Variants in ADRA1A observed in about 807,000 individuals in gnomAD.
ADRA1A encodes the protein adrenoceptor alpha 1A, also known as alpha-1A adrenergic receptor.
Under a neutral mutation model 29.6 loss-of-function variants are expected in ADRA1A, and 31 were observed. The observed-to-expected ratio is 1.05, with a 90% confidence interval of 0.79 to 1.41. ADRA1A has a LOEUF of 1.41. Among genes scored for constraint, ADRA1A ranks in the 40% most tolerant of loss-of-function variants. The pLI is 0.00. For synonymous variants in ADRA1A, 311 were observed against 254.3 expected, an observed-to-expected ratio of 1.22 and a Z score of -2.12; for missense variants, 619 against 601.1, an observed-to-expected ratio of 1.03 and a Z score of -0.31.
Position 26,855,039 on chromosome 8 carries a change from C to T in ADRA1A, c.883+9048G>A, listed in dbSNP as rs539174009. Among the ~76,000 whole-genome samples the T allele has an allele frequency of 7.9e-5, 12 of 152,256 alleles. No homozygotes were observed. In the East Asian group the frequency reaches 1.5e-3, roughly 20 times the overall value. The stretch of plus-strand genomic sequence containing the variant: ...TACATTGAGCTCAGACTTCCAGCCT[C>T]GAGGATTGTGAGAAATAAATTCCTG... On this transcript the variant is annotated intron_variant, in intron 2 of 2. Coordinates refer to ENST00000380573, the MANE Select transcript of ADRA1A (RefSeq NM_000680.4).
chr8:26,851,876 T>C (rs1812662563), intron 2 of ADRA1A, among the ~76,000 whole-genome samples: 1 of 152,088 alleles, frequency 6.6e-6, no homozygotes, highest in Admixed American at 6.5e-5. Context: ...GTAAGATAAA[T>C]AAAGATTAAT....
intron 2 of ADRA1A, among the ~76,000 whole-genome samples, chr8:26,807,041 T>A (rs995369732): frequency 5.3e-5 from 8 of 152,244 alleles, no homozygotes; most frequent in Non-Finnish European, 1.2e-4. Flanking sequence ...AAAATTCCAG[T>A]AACTCTTGGC....
At chr8:26,845,849 G>A (rs1175436690) in intron 2 of ADRA1A, among the ~76,000 whole-genome samples, 2 of 152,130 alleles carry the variant, frequency 1.3e-5, no homozygotes, top group African/African-American at 4.8e-5. Context: ...TCACATATAT[G>A]ATCCCATTCA....
chr8:26,797,559 A>G (rs903269833), intron 2 of ADRA1A, among the ~76,000 whole-genome samples: 2 of 152,120 alleles, frequency 1.3e-5, no homozygotes, highest in Admixed American at 6.5e-5. Context: ...TTGGCGTCCC[A>G]AAGTGCTGAG....
rs1810354370 is a variant in ADRA1A, at chr8:26,823,859, T to C, written c.883+40228A>G. ...GCTTGGTCAAAACCCCACAATATAG[T>C]AAGACAGCGGCAGAATTGGAAATGA... On this transcript the variant is annotated intron_variant, in intron 2 of 2. Transcript: ENST00000380573. This position sits in a 1 kb window ranked among gnomAD's most constrained non-coding sequence, Gnocchi z 4.2. Among the ~76,000 whole-genome samples the C allele has an allele frequency of 6.6e-6, 1 of 152,200 alleles. No homozygotes were observed. Among genetic ancestry groups the C allele is most frequent in the Non-Finnish European group, 1.5e-5 (1 of 68,028 alleles).
At chr8:26,771,747 C>T (rs1056297979) in intron 2 of ADRA1A, 2 of 152,856 alleles carry the variant, frequency 1.3e-5, no homozygotes, top group African/African-American at 2.4e-5. Flanking sequence ...GCATCCAGCA[C>T]TAGCACTACT....
At chr8:26,774,575 A>G (rs1434673734) in intron 2 of ADRA1A, among the ~76,000 whole-genome samples, 1 of 151,534 alleles carries the variant, frequency 6.6e-6, no homozygotes, top group Non-Finnish European at 1.5e-5. Context: ...AGGCTGAGGT[A>G]GGAGGATTGC....
chr8:26,789,634 C>G (rs918528716), intron 2 of ADRA1A, among the ~76,000 whole-genome samples: 2 of 152,048 alleles, frequency 1.3e-5, no homozygotes, highest in African/African-American at 2.4e-5. Context: ...CTCAAAAGCA[C>G]AGGAAACAAA....
At position 26,768,849 on chromosome 8, in the gene ADRA1A, A is replaced by G; in HGVS notation, c.*1300T>C. ...TGGTTTACCAAAATTTGGTATACAT[A>G]AAGCAAAATATAGCATGTTCCCCAA... On this transcript the variant is annotated 3_prime_UTR_variant, in exon 3 of 3. Coordinates refer to ENST00000380573, the MANE Select transcript of ADRA1A (RefSeq NM_000680.4). 2.0e-6 allele frequency: 2 copies of G among 982,732 alleles called. No individual in the cohort carries two copies. The highest frequency in any genetic ancestry group is 2.4e-6 in the Non-Finnish European group (2 of 827,434). 60.9% of individuals were successfully genotyped at this position (982,732 alleles called of 1,614,324 possible). A position where few individuals can be genotyped will look rare whatever the true frequency, so the allele number is the denominator to read the frequency against.
rs1270007908 is a variant in ADRA1A at position 26,823,262 on chromosome 8, G to A, written c.883+40825C>T. 1.3e-5 allele frequency among the ~76,000 whole-genome samples: 2 copies of A among 150,946 alleles called. No individual in the cohort carries two copies. The highest frequency in any genetic ancestry group is 2.9e-5 in the Non-Finnish European group (2 of 68,020). ...TGACACATGCTTCTTTGGCCACATG[G>A]TATAGTGTCTGCCTTCCACACTGTC... On this transcript the variant is annotated intron_variant, in intron 2 of 2. Coordinates refer to ENST00000380573, the MANE Select transcript of ADRA1A (RefSeq NM_000680.4). The surrounding 1 kb of genome is among the most constrained non-coding windows in gnomAD (Gnocchi z 4.2).
intron 2 of ADRA1A, among the ~76,000 whole-genome samples, chr8:26,773,953 A>G (rs1585658377): frequency 6.6e-6 from 1 of 152,312 alleles, no homozygotes; most frequent in East Asian, 1.9e-4. Flanking sequence ...TGGCTCAGGT[A>G]TAGGTATAGG....
intron 2 of ADRA1A, chr8:26,859,321 G>GATGGCAC: frequency 1.7e-6 from 1 of 593,694 alleles, no homozygotes; most frequent in Non-Finnish European, 2.6e-6. Context: ...CCCAGCAGAA[G>GATGGCAC]TAGTGCCATC....
chr8:26,828,561 G>T (rs1354528200), intron 2 of ADRA1A, among the ~76,000 whole-genome samples: 1 of 152,196 alleles, frequency 6.6e-6, no homozygotes. Context: ...AGAAGGGAGG[G>T]TTTAAGAATG....
rs1208985779 is a variant in ADRA1A at position 26,825,971 on chromosome 8, G to A, written c.883+38116C>T. Reference sequence around the variant, plus strand: ...TGCCAAAAACACATAAACACATTCTGTCCAGAGAGTGCTTACCTCTTCTTC... The same window carrying A: ...TGCCAAAAACACATAAACACATTCTATCCAGAGAGTGCTTACCTCTTCTTC... On this transcript the variant is annotated intron_variant, in intron 2 of 2. Transcript: ENST00000380573. This position sits in a 1 kb window ranked among gnomAD's most constrained non-coding sequence, Gnocchi z 5.7. 1.3e-5 allele frequency among the ~76,000 whole-genome samples: 2 copies of A among 152,166 alleles called. No homozygotes were observed. Among genetic ancestry groups the A allele is most frequent in the Admixed American group, 1.3e-4 (2 of 15,280 alleles).
At chr8:26,773,143 T>C (rs1039905982) in intron 2 of ADRA1A, among the ~76,000 whole-genome samples, 10 of 152,198 alleles carry the variant, frequency 6.6e-5, no homozygotes, top group Admixed American at 1.3e-4. Context: ...GTCACTCACA[T>C]AGTTACTGGT....
chr8:26,783,625 G>A (rs570938059), intron 2 of ADRA1A, among the ~76,000 whole-genome samples: 1 of 152,270 alleles, frequency 6.6e-6, no homozygotes, highest in Non-Finnish European at 1.5e-5. Context: ...ATACCTGAAG[G>A]ATCAACATGG....
chr8:26,842,196 T>A (rs559842957), intron 2 of ADRA1A, among the ~76,000 whole-genome samples: 8 of 152,238 alleles, frequency 5.3e-5, no homozygotes, highest in African/African-American at 1.9e-4. Flanking sequence ...TATGGAGCTA[T>A]GGAGTACTTG....
chr8:26,790,022 A>G (rs1807701790), intron 2 of ADRA1A, among the ~76,000 whole-genome samples: 1 of 152,212 alleles, frequency 6.6e-6, no homozygotes, highest in African/African-American at 2.4e-5. Context: ...AAACTAGTAC[A>G]GCCATTGTAA....
intron 2 of ADRA1A, among the ~76,000 whole-genome samples, chr8:26,812,716 G>A (rs945935230): frequency 6.6e-6 from 1 of 151,510 alleles, no homozygotes; most frequent in Admixed American, 6.6e-5. Context: ...CCAGGCTGGA[G>A]TGCAGTGGCG....
Sources: gnomAD v4.1 joint callset for allele counts (sites outside exome capture counted in the v4.1 genomes callset) on GRCh38, gnomAD v4.1.1 for gene constraint, Gnocchi (gnomAD v3.1) non-coding constraint, MANE v1.5 for transcripts, NCBI Gene and HGNC (gene_info 2026-07-23, HGNC 2026-07-21) for gene names.